Variants in ANK3 observed in about 807,000 individuals in gnomAD.
ANK3 encodes the protein ankyrin 3.
ANK3 carries 57 observed loss-of-function variants against 370.9 expected under a neutral mutation model. That is an observed-to-expected ratio of 0.15 (90% CI 0.12 to 0.19). The LOEUF is 0.19. Among genes scored for constraint, ANK3 ranks in the 10% least tolerant of loss-of-function variants. The pLI, the probability that ANK3 is intolerant of heterozygous loss-of-function variation, is 1.00. For missense variants in ANK3, 4,439 were observed against 5,302.1 expected, an observed-to-expected ratio of 0.84 and a Z score of 5.06; for synonymous variants, 1,929 against 1,946.3, an observed-to-expected ratio of 0.99 and a Z score of 0.23.
chr10:60,219,388 A>G (rs1019075043), intron 8 of ANK3, among the ~76,000 whole-genome samples: 2 of 152,140 alleles, frequency 1.3e-5, no homozygotes, highest in Non-Finnish European at 2.9e-5. Flanking sequence ...TGTGGGCAGC[A>G]AGGGGTTTAT....
At chr10:60,044,236 G>C in intron 42 of ANK3, 2 of 984,680 alleles carry the variant, frequency 2.0e-6, no homozygotes. Context: ...TAAATTCCAA[G>C]AGAAGCATGA....
chr10:60,066,524 C>T (rs2081660105), intron 38 of ANK3, among the ~76,000 whole-genome samples: 1 of 136,134 alleles, frequency 7.3e-6, no homozygotes, highest in African/African-American at 2.8e-5. Context: ...CACTCAGCTC[C>T]CAACCATTAG....
At chr10:60,252,319 G>A (rs1359703960) in intron 7 of ANK3, among the ~76,000 whole-genome samples, 1 of 152,230 alleles carries the variant, frequency 6.6e-6, no homozygotes, top group Non-Finnish European at 1.5e-5. Flanking sequence ...ACTGTCTGAT[G>A]ACAGGGAGTG....
chr10:60,090,855 C>G (rs2088141945), intron 28 of ANK3, among the ~76,000 whole-genome samples: 1 of 152,018 alleles, frequency 6.6e-6, no homozygotes, highest in Non-Finnish European at 1.5e-5. Context: ...TGTAACTGGG[C>G]ATCATCTATT....
rs575659576 is a variant in ANK3, at chr10:60,353,157, TG to T, written c.114+36267del. ...CATCACACCTGGCTAATTTTTGTTTTGTTTTTTTTTTTTTTTTTAGAGACTG... is the reference window on the plus strand; with the variant it reads ...CATCACACCTGGCTAATTTTTGTTTTTTTTTTTTTTTTTTTTTAGAGACTG... On this transcript the variant is annotated intron_variant, in intron 1 of 43. Coordinates refer to ENST00000280772, the MANE Select transcript of ANK3 (RefSeq NM_020987.5). Among the ~76,000 whole-genome samples, 275 of 148,052 alleles carry T rather than the reference TG, an allele frequency of 1.9e-3. 4 individuals are homozygous for T. The highest frequency in any genetic ancestry group is 0.011 in the South Asian group (49 of 4,588).
chr10:60,398,148 T>C (rs944799845), intron 2 of ANK3, among the ~76,000 whole-genome samples: 1 of 152,336 alleles, frequency 6.6e-6, no homozygotes, highest in East Asian at 1.9e-4. Flanking sequence ...GTCTCTCTAA[T>C]CCAATAAAAC....
chr10:60,307,925 T>C (rs1374161429), intron 1 of ANK3, among the ~76,000 whole-genome samples: 9 of 152,234 alleles, frequency 5.9e-5, no homozygotes, highest in Non-Finnish European at 1.2e-4. Context: ...GAAATGCTTT[T>C]TAAAAAAGAA....
At chr10:60,336,169 C>T (rs949100895) in intron 1 of ANK3, among the ~76,000 whole-genome samples, 1 of 152,002 alleles carries the variant, frequency 6.6e-6, no homozygotes, top group African/African-American at 2.4e-5. Context: ...AACTAGAGTA[C>T]TCTTGCAAAA....
intron 1 of ANK3, among the ~76,000 whole-genome samples, chr10:60,291,430 AG>A (rs2041362835): frequency 6.6e-6 from 1 of 152,130 alleles, no homozygotes; most frequent in Admixed American, 6.5e-5. Flanking sequence ...ACACTATGGA[AG>A]TTGCAAGGTA....
chr10:60,705,051 T>G (rs1337015960), intron 1 of ANK3, among the ~76,000 whole-genome samples: 1 of 152,184 alleles, frequency 6.6e-6, no homozygotes, highest in Non-Finnish European at 1.5e-5. Context: ...AATAAATGAA[T>G]TACTTAATTT....
rs752186598 is a variant in ANK3, at chr10:60,071,096, G to A, written c.9785C>T (p.Ala3262Val). The A allele has an allele frequency of 1.2e-5, 19 of 1,613,964 alleles. No individual in the cohort carries two copies. The highest frequency in any genetic ancestry group is 6.7e-5 in the African/African-American group (5 of 74,900). The change falls in exon 37 of 44, where the codon GCG (alanine) becomes GTG (valine). Residue 3262 changes from alanine to valine, a missense_variant. By Grantham distance (64) the Ala-to-Val change is moderately conservative. Coordinates refer to ENST00000280772, the MANE Select transcript of ANK3 (RefSeq NM_020987.5). ...CTTCTTATCTGACTCAATCTGGTCC[G>A]CATCCAGTGGTGGAGGAGGGGGAAA... The part of the protein sequence containing the change: ...IEFPPPPPLD[A>V]DQIESDKKHH...
At chr10:60,305,741 C>A (rs960229878) in intron 1 of ANK3, among the ~76,000 whole-genome samples, 1 of 152,120 alleles carries the variant, frequency 6.6e-6, no homozygotes, top group African/African-American at 2.4e-5. Context: ...CTGGCCAGGA[C>A]ATTTTGTTTC....
intron 2 of ANK3, among the ~76,000 whole-genome samples, chr10:60,535,204 T>C (rs2076695312): frequency 6.6e-6 from 1 of 152,144 alleles, no homozygotes. Context: ...GGCTCTAATG[T>C]TTGCGGTTTC....
At chr10:60,693,535 G>A (rs969226674) in intron 1 of ANK3, among the ~76,000 whole-genome samples, 1 of 152,242 alleles carries the variant, frequency 6.6e-6, no homozygotes, top group Non-Finnish European at 1.5e-5. Flanking sequence ...GGTTCTCCCA[G>A]TATGCAGCTG....
chr10:60,335,316 A>C (rs374125441), intron 1 of ANK3, among the ~76,000 whole-genome samples: 2 of 152,122 alleles, frequency 1.3e-5, no homozygotes, highest in Non-Finnish European at 2.9e-5. Flanking sequence ...TTGTTTTCTC[A>C]AAGGAATAAA....
chr10:60,216,400 T>C (rs1176575925), intron 8 of ANK3, among the ~76,000 whole-genome samples: 1 of 152,152 alleles, frequency 6.6e-6, no homozygotes, highest in Admixed American at 6.6e-5. Context: ...TAGTTGTGGG[T>C]TTGTCATAAA....
intron 2 of ANK3, among the ~76,000 whole-genome samples, chr10:60,540,609 G>C (rs1348364612): frequency 6.6e-6 from 1 of 151,910 alleles, no homozygotes; most frequent in Non-Finnish European, 1.5e-5. Context: ...GTACATGGAT[G>C]AAGATGGCCA....
Position 60,058,840 on chromosome 10 carries a change from A to AC in ANK3, c.12686+499dup, listed in dbSNP as rs2131925841. 2.0e-5 allele frequency among the ~76,000 whole-genome samples: 3 copies of AC among 152,114 alleles called. 1 individual carries two copies. The East Asian group carries it at 5.8e-4, about 30-fold the overall frequency. Reference sequence around the variant, plus strand: ...GTGATCTCAGCTCACTGCAACCTCCACCCTCATGTGTTCAAGCAGTTCTCC... The same window carrying AC: ...GTGATCTCAGCTCACTGCAACCTCCACCCCTCATGTGTTCAAGCAGTTCTCC... On this transcript the variant is annotated intron_variant, in intron 41 of 43. Coordinates refer to ENST00000280772, the MANE Select transcript of ANK3 (RefSeq NM_020987.5).
At position 60,180,304 on chromosome 10, in the gene ANK3, G is replaced by T. The variant is rs567139352; in HGVS notation, c.2184+1025C>A. 9.4e-5 allele frequency among the ~76,000 whole-genome samples: 14 copies of T among 149,410 alleles called. No individual in the cohort carries two copies. The South Asian group carries it at 3.0e-3, about 32-fold the overall frequency. ...TCATGTCAAACATGGCATATAGAAAGAAAGCATATGTGGCTGGGTGCGGGG... is the reference window on the plus strand; with the variant it reads ...TCATGTCAAACATGGCATATAGAAATAAAGCATATGTGGCTGGGTGCGGGG... On this transcript the variant is annotated intron_variant, in intron 18 of 43. Transcript: ENST00000280772.
Sources: allele counts gnomAD v4.1 joint callset (sites outside exome capture counted in the v4.1 genomes callset), GRCh38; gene constraint gnomAD v4.1.1; transcripts MANE v1.5; gene names NCBI Gene and HGNC (gene_info 2026-07-23, HGNC 2026-07-21).